Variants in HUWE1 observed in about 807,000 individuals in gnomAD.
The protein encoded by HUWE1 is E3 ubiquitin-protein ligase HUWE1.
Under a neutral mutation model 299.4 loss-of-function variants are expected in HUWE1, and 18 were observed. The ratio of observed to expected loss-of-function variants is 0.06; its 90% CI spans 0.04 to 0.09. The LOEUF (loss-of-function observed/expected upper bound fraction) is 0.09. HUWE1 is among the 10% of genes least tolerant of loss of function. HUWE1 has a pLI of 1.00. For synonymous variants in HUWE1, 1,317 were observed against 1,286.1 expected, an observed-to-expected ratio of 1.02 and a Z score of -0.51; for missense variants, 1,832 against 3,462.3, an observed-to-expected ratio of 0.53 and a Z score of 11.82.
At chrX:53,679,389 T>C (rs2070009378) in intron 3 of HUWE1, among the ~76,000 whole-genome samples, 1 of 112,630 alleles carries the variant, frequency 8.9e-6, no homozygotes, top group Admixed American at 9.4e-5. Flanking sequence ...TTTGATCTTA[T>C]ATTTAAAGAG....
At chrX:53,610,609 G>A (rs1487100982) in intron 23 of HUWE1, among the ~76,000 whole-genome samples, 2 of 111,644 alleles carry the variant, frequency 1.8e-5, no homozygotes, top group African/African-American at 6.5e-5. Flanking sequence ...AAAAGTAAAG[G>A]AGGATATCAA....
At chrX:53,683,947 G>A (rs1199962199) in intron 2 of HUWE1, 3 of 289,597 alleles carry the variant, frequency 1.0e-5, no homozygotes, top group Admixed American at 6.5e-5. Flanking sequence ...AGAACGGCAC[G>A]AGCCGAAGAC....
intron 3 of HUWE1, among the ~76,000 whole-genome samples, chrX:53,658,558 T>C (rs1250050683): frequency 9.0e-6 from 1 of 111,174 alleles, no homozygotes; most frequent in Non-Finnish European, 1.9e-5. Flanking sequence ...TAGACCCACA[T>C]AAATATTGTC....
chrX:53,611,216 G>GCT (rs1557001903), intron 23 of HUWE1, among the ~76,000 whole-genome samples: 1 of 106,271 alleles, frequency 9.4e-6, no homozygotes, highest in Non-Finnish European at 1.9e-5. Context: ...AAAAGAAAGG[G>GCT]TAGTGTCTAA....
chrX:53,578,480 G>A (rs1194691228), intron 43 of HUWE1, among the ~76,000 whole-genome samples: 1 of 99,602 alleles, frequency 1.0e-5, no homozygotes, highest in Non-Finnish European at 2.1e-5. Context: ...CCAGGAGGGA[G>A]GTGGGGGGGT....
intron 70 of HUWE1, 52 bp downstream of exon 70, chrX:53,546,384 G>T: frequency 9.1e-7 from 1 of 1,102,971 alleles, no homozygotes; most frequent in African/African-American, 1.8e-5. Flanking sequence ...GAAAGAGGAA[G>T]CACCTAAGTG....
Position 53,590,817 on chromosome X carries a change from T to C in HUWE1, c.4095+183A>G, listed in dbSNP as rs141824354. On this transcript the variant is annotated intron_variant, in intron 34 of 83. Transcript: ENST00000262854. The stretch of plus-strand genomic sequence containing the variant: ...GGGTTCTTGTGCAAACAAAGTATAG[T>C]AATTTGTATTGCTGGGGGACAGAAA... Among the ~76,000 whole-genome samples the C allele has an allele frequency of 9.6e-3, 1,085 of 112,436 alleles. 15 individuals are homozygous for C. Among genetic ancestry groups the C allele is most frequent in the African/African-American group, 0.033 (1,009 of 30,903 alleles).
At chrX:53,585,295 A>G (rs1332353367) in intron 39 of HUWE1, 107 bp from the exon 40 acceptor site, 12 of 759,091 alleles carry the variant, frequency 1.6e-5, no homozygotes, top group Non-Finnish European at 5.9e-6. Flanking sequence ...AAAAAGAAAT[A>G]TACTGGACAA....
intron 63 of HUWE1, 96 bp downstream of exon 63, chrX:53,552,215 T>C (rs782411685): frequency 3.5e-5 from 36 of 1,032,537 alleles, no homozygotes; most frequent in Non-Finnish European, 4.9e-5. Flanking sequence ...ATGCCCTCCA[T>C]CTAAATGGAA....
At chrX:53,658,790 C>A (rs1459874585) in intron 3 of HUWE1, among the ~76,000 whole-genome samples, 2 of 112,369 alleles carry the variant, frequency 1.8e-5, no homozygotes, top group African/African-American at 6.5e-5. Flanking sequence ...ACAAGCCAGA[C>A]TGACAGAAAA....
intron 3 of HUWE1, among the ~76,000 whole-genome samples, chrX:53,674,699 A>G (rs2069725898): frequency 9.0e-6 from 1 of 111,718 alleles, no homozygotes; most frequent in East Asian, 2.8e-4. Context: ...TTCATTCCTC[A>G]TATTACCATA....
chrX:53,592,273 A>C (rs2064204984), intron 33 of HUWE1, 125 bp downstream of exon 33: 1 of 550,304 alleles, frequency 1.8e-6, no homozygotes, highest in Non-Finnish European at 3.2e-6. Flanking sequence ...AGAAGGAGGA[A>C]ATCTAAACTG....
At chrX:53,625,118 T>G in intron 18 of HUWE1, 39 bp downstream of exon 18, 1 of 873,281 alleles carries the variant, frequency 1.1e-6, no homozygotes, top group Non-Finnish European at 1.7e-6. Context: ...TTTGAGAGAG[T>G]AAAATATCCT....
chrX:53,682,258 T>C (rs1832698650), intron 2 of HUWE1, among the ~76,000 whole-genome samples: 1 of 111,984 alleles, frequency 8.9e-6, no homozygotes, highest in Non-Finnish European at 1.9e-5. Flanking sequence ...TAAGCACAAC[T>C]ATTCCCATTA....
At chrX:53,535,954 A>G (rs1372489587) in intron 80 of HUWE1, 193 bp downstream of exon 80, 1 of 290,720 alleles carries the variant, frequency 3.4e-6, no homozygotes, top group East Asian at 6.1e-5. Context: ...AATAAAGGTG[A>G]AACTAGGAAA....
rs915170770 is a variant in HUWE1, at chrX:53,615,678, A to G, written c.2049+66T>C. 6.1e-5 allele frequency: 53 copies of G among 864,597 alleles called. No homozygotes were observed. In the African/African-American group the frequency reaches 9.3e-4, roughly 15 times the overall value. 71.3% of individuals were successfully genotyped at this position (864,597 alleles called of 1,213,427 possible). On this transcript the variant is annotated intron_variant, in intron 22 of 83. Coordinates refer to ENST00000262854, the MANE Select transcript of HUWE1 (RefSeq NM_031407.7). ...GAATCCTAATGACCTCTAGTAGGCC[A>G]ATCTTCTAAAACCTTCCCCTTCTCT... is the stretch of plus-strand genomic sequence containing the variant.
chrX:53,550,531 C>T, intron 66 of HUWE1, 135 bp downstream of exon 66: 2 of 583,740 alleles, frequency 3.4e-6, no homozygotes, highest in African/African-American at 2.2e-5. Flanking sequence ...GGCTCTCTCA[C>T]TTATTCAAGG....
intron 59 of HUWE1, among the ~76,000 whole-genome samples, chrX:53,558,157 A>C (rs1238012862): frequency 8.9e-6 from 1 of 112,073 alleles, no homozygotes; most frequent in Non-Finnish European, 1.9e-5. Context: ...AAATTGTATT[A>C]GTGATTTTAT....
At chrX:53,546,125 G>A (rs921431576) in intron 70 of HUWE1, among the ~76,000 whole-genome samples, 3 of 111,329 alleles carry the variant, frequency 2.7e-5, no homozygotes, top group African/African-American at 6.5e-5. Flanking sequence ...GGGCTCTTAC[G>A]AGTGCCCAGC....
Sources: gnomAD v4.1 joint callset for allele counts (sites outside exome capture counted in the v4.1 genomes callset) on GRCh38, gnomAD v4.1.1 for gene constraint, MANE v1.5 for transcripts, NCBI Gene and HGNC (gene_info 2026-07-23, HGNC 2026-07-21) for gene names.